PPM1E: variants seen among roughly 807,000 people sequenced by gnomAD.
PPM1E encodes the protein protein phosphatase, Mg2+/Mn2+ dependent 1E.
PPM1E carries 20 observed loss-of-function variants against 65.9 expected under a neutral mutation model. That is an observed-to-expected ratio of 0.30 (90% CI 0.21 to 0.44). The LOEUF (loss-of-function observed/expected upper bound fraction) is 0.44, where lower values mean the gene tolerates loss of function less well. Among genes scored for constraint, PPM1E ranks in the 20% least tolerant of loss-of-function variants. The pLI, the probability that PPM1E is intolerant of heterozygous loss-of-function variation, is 1.00. For missense variants in PPM1E, 713 were observed against 953.1 expected (o/e 0.75, Z 3.32); for synonymous variants, 352 against 374.9 (o/e 0.94, Z 0.70).
chr17:58,836,560 G>C (rs556221647), intron 1 of PPM1E, among the ~76,000 whole-genome samples: 1 of 151,024 alleles, frequency 6.6e-6, no homozygotes, highest in Admixed American at 6.6e-5. Context: ...TGCCGCCCAG[G>C]TTCAAGCGAT....
At chr17:58,879,434 T>A (rs1386883286) in intron 1 of PPM1E, among the ~76,000 whole-genome samples, 1 of 150,596 alleles carries the variant, frequency 6.6e-6, no homozygotes, top group Non-Finnish European at 1.5e-5. Flanking sequence ...TCTGTATTTT[T>A]CACCATGAAG....
Position 58,982,638 on chromosome 17 carries a change from T to G in PPM1E, c.*1607T>G, listed in dbSNP as rs1226561562. The stretch of plus-strand genomic sequence containing the variant: ...ATCAAATAGACAAAAACAGCTTCAC[T>G]TTAGCAATGATCAGATTGTTAATCT... On this transcript the variant is annotated 3_prime_UTR_variant, in exon 7 of 7. Transcript: ENST00000308249. 2 of 447,788 alleles carry G rather than the reference T, an allele frequency of 4.5e-6. No homozygotes were observed. The highest frequency in any genetic ancestry group is 4.0e-5 in the African/African-American group (2 of 50,328). The allele number at this position is 447,788 out of a possible 1,614,324, so 27.7% of individuals were successfully genotyped here.
chr17:58,767,649 T>G (rs1341931998), intron 1 of PPM1E, among the ~76,000 whole-genome samples: 1 of 152,094 alleles, frequency 6.6e-6, no homozygotes, highest in Non-Finnish European at 1.5e-5. Context: ...ATTTATTTAT[T>G]TATTTATTTG....
chr17:58,784,862 T>G (rs1445065649), intron 1 of PPM1E, among the ~76,000 whole-genome samples: 1 of 152,220 alleles, frequency 6.6e-6, no homozygotes, highest in Non-Finnish European at 1.5e-5. Flanking sequence ...CTTTTATTAT[T>G]TGAATTGTAA....
At chr17:58,832,565 T>C (rs1018051) in intron 1 of PPM1E, among the ~76,000 whole-genome samples, 21,350 of 152,024 alleles carry the variant, frequency 0.14, 2,282 homozygotes, top group East Asian at 0.31. Flanking sequence ...TAATCTGGAG[T>C]GTAGGTTGAG....
At chr17:58,805,961 CAAAAAAAA>C (rs71367632) in intron 1 of PPM1E, among the ~76,000 whole-genome samples, 4 of 69,842 alleles carry the variant, frequency 5.7e-5, no homozygotes, top group African/African-American at 2.2e-4. Flanking sequence ...AAAAAAAAAA[CAAAAAAAA>C]AAAACAAAAA....
At chr17:58,881,614 A>T (rs1190815506) in intron 1 of PPM1E, among the ~76,000 whole-genome samples, 1 of 152,142 alleles carries the variant, frequency 6.6e-6, no homozygotes, top group Non-Finnish European at 1.5e-5. Flanking sequence ...GTGAGCCAAG[A>T]TCGTGCCACT....
At chr17:58,854,850 T>G (rs1273864453) in intron 1 of PPM1E, among the ~76,000 whole-genome samples, 1 of 152,216 alleles carries the variant, frequency 6.6e-6, no homozygotes, top group Non-Finnish European at 1.5e-5. Context: ...AGATAAATTA[T>G]TTAAAATGAT....
chr17:58,928,520 GAACAACCAA>G (rs993712950), intron 1 of PPM1E, among the ~76,000 whole-genome samples: 12 of 151,916 alleles, frequency 7.9e-5, no homozygotes, highest in African/African-American at 2.9e-4. Context: ...TGAAGATGTG[GAACAACCAA>G]AACTCTATAC....
intron 1 of PPM1E, among the ~76,000 whole-genome samples, chr17:58,858,264 T>C (rs935987924): frequency 1.1e-4 from 16 of 152,150 alleles, no homozygotes; most frequent in African/African-American, 3.9e-4. Context: ...AGTGATCTTA[T>C]CAGGGTAATT....
intron 3 of PPM1E, chr17:58,966,385 T>TAA (rs528567539): frequency 5.5e-6 from 1 of 181,010 alleles, no homozygotes; most frequent in South Asian, 3.8e-5. Context: ...AAAAAACAAT[T>TAA]AAAAAAAATT....
intron 1 of PPM1E, among the ~76,000 whole-genome samples, chr17:58,931,066 TAAAAAAA>T (rs774968022): frequency 2.5e-4 from 21 of 83,138 alleles, no homozygotes; most frequent in East Asian, 1.0e-3. Context: ...ATACAAAAAT[TAAAAAAA>T]AAAAAAAAAA....
At chr17:58,822,374 ATTT>A (rs1555612134) in intron 1 of PPM1E, among the ~76,000 whole-genome samples, 7 of 99,650 alleles carry the variant, frequency 7.0e-5, no homozygotes, top group African/African-American at 2.5e-4. Flanking sequence ...TTATTTATTT[ATTT>A]TTTGACGAGT....
chr17:58,981,919 GAAAATCA>G lies in PPM1E; in HGVS notation c.*892_*898del, dbSNP rs930065994. The G allele has an allele frequency of 3.9e-5, 6 of 152,606 alleles. No individual in the cohort carries two copies. The highest frequency in any genetic ancestry group is 1.4e-4 in the African/African-American group (6 of 41,456). 9.5% of individuals were successfully genotyped at this position (152,606 alleles called of 1,614,324 possible). A position where few individuals can be genotyped will look rare whatever the true frequency, so the allele number is the denominator to read the frequency against. ...ATAGAGTCAAAATACCATTTACAAAGAAAATCAAAAGCATTTCTATATTTTGTCTTTT... is the reference window on the plus strand; with the variant it reads ...ATAGAGTCAAAATACCATTTACAAAGAAAGCATTTCTATATTTTGTCTTTT... On this transcript the variant is annotated 3_prime_UTR_variant, in exon 7 of 7. Transcript: ENST00000308249.
At chr17:58,848,906 A>T (rs1567852711) in intron 1 of PPM1E, among the ~76,000 whole-genome samples, 1 of 152,088 alleles carries the variant, frequency 6.6e-6, no homozygotes, top group South Asian at 2.1e-4. Context: ...CTGGTCCTGG[A>T]CTTTTTTTGG....
chr17:58,945,564 T>TA (rs1262480438), intron 1 of PPM1E, among the ~76,000 whole-genome samples: 8 of 152,312 alleles, frequency 5.3e-5, no homozygotes, highest in Admixed American at 3.9e-4. Flanking sequence ...TGCCTGGAGT[T>TA]ACAACAGATC....
At chr17:58,966,443 C>CAAAAAAAA in intron 3 of PPM1E, 1 of 236,118 alleles carries the variant, frequency 4.2e-6, no homozygotes, top group South Asian at 4.2e-5. Flanking sequence ...AAAAAAAAAC[C>CAAAAAAAA]CAAACTATTT....
intron 1 of PPM1E, among the ~76,000 whole-genome samples, chr17:58,803,503 A>T (rs1021139219): frequency 1.3e-5 from 2 of 152,096 alleles, no homozygotes; most frequent in Non-Finnish European, 2.9e-5. Context: ...GGGTTTTTGC[A>T]TTTATGTTCA....
chr17:58,832,995 T>A (rs530823534), intron 1 of PPM1E, among the ~76,000 whole-genome samples: 3 of 152,096 alleles, frequency 2.0e-5, no homozygotes, highest in African/African-American at 7.2e-5. Flanking sequence ...ATTTTTGTAT[T>A]TTTTTCTTTT....
Sources: gnomAD v4.1 joint callset for allele counts (sites outside exome capture counted in the v4.1 genomes callset) on GRCh38, gnomAD v4.1.1 for gene constraint, MANE v1.5 for transcripts, NCBI Gene and HGNC (gene_info 2026-07-23, HGNC 2026-07-21) for gene names.